The following MALRD1 variants were observed in gnomAD, a reference collection of about 807,000 sequenced individuals.
MALRD1 encodes the protein MAM and LDL-receptor class A domain-containing protein 1.
MALRD1 carries 247 observed loss-of-function variants against 242.1 expected under a neutral mutation model. The observed-to-expected ratio is 1.02, with a 90% CI of 0.92 to 1.13. The LOEUF (loss-of-function observed/expected upper bound fraction) is 1.13, where lower values mean the gene tolerates loss of function less well. Ranked by LOEUF, MALRD1 falls within the 50% of genes most tolerant of loss-of-function variation. The pLI is 0.00. For missense variants in MALRD1, 2,989 were observed against 2,533.1 expected (o/e 1.18, Z -3.86); for synonymous variants, 995 against 866.6 (o/e 1.15, Z -2.60).
In MALRD1 at chr10:19,567,685, C is replaced by T; in HGVS notation, c.5662C>T (p.Pro1888Ser). 1 of 1,550,320 alleles carries T rather than the reference C, an allele frequency of 6.5e-7. No individual in the cohort carries two copies. The highest frequency in any genetic ancestry group is 1.4e-5 in the African/African-American group (1 of 73,090). The change falls in exon 33 of 40, where the codon CCA (proline) becomes TCA (serine). Residue 1888 changes from proline (P) to serine (S), a missense_variant. Physicochemically the swap from Pro to Ser is moderately conservative, Grantham distance 74. Coordinates refer to ENST00000454679, the MANE Select transcript of MALRD1 (RefSeq NM_001142308.3). ...TGCTCTTGATGACATCTCTTTTACC[C>T]CAGAGTGTGTGACTGGAGGTAAGTG... ...FIALDDISFT[P>S]ECVTGGPVPV...
intron 18 of MALRD1, among the ~76,000 whole-genome samples, chr10:19,226,611 A>G (rs1004067802): frequency 2.6e-5 from 4 of 152,088 alleles, no homozygotes; most frequent in African/African-American, 9.7e-5. Flanking sequence ...TACAAAACTG[A>G]TTCTAAAACA....
intron 23 of MALRD1, among the ~76,000 whole-genome samples, chr10:19,331,109 A>G (rs1465801158): frequency 2.6e-5 from 4 of 152,122 alleles, no homozygotes; most frequent in Non-Finnish European, 5.9e-5. Flanking sequence ...CAAATTTTCT[A>G]GACCCATATC....
chr10:19,055,661 C>T (rs1834641558), intron 1 of MALRD1, among the ~76,000 whole-genome samples: 1 of 152,116 alleles, frequency 6.6e-6, no homozygotes, highest in South Asian at 2.1e-4. Context: ...CTGAGGAGAC[C>T]CTCCTTTCTC....
At chr10:19,227,534 T>A (rs78506508) in intron 18 of MALRD1, among the ~76,000 whole-genome samples, 6,859 of 152,060 alleles carry the variant, frequency 0.045, 203 homozygotes, top group Middle Eastern at 0.085. Flanking sequence ...ATAGGAAAAA[T>A]TTTTAATAAT....
intron 24 of MALRD1, among the ~76,000 whole-genome samples, chr10:19,340,551 T>C (rs1245019394): frequency 6.6e-6 from 1 of 152,092 alleles, no homozygotes; most frequent in Admixed American, 6.6e-5. Context: ...GTCATGCGTC[T>C]AAATATTTCA....
intron 38 of MALRD1, among the ~76,000 whole-genome samples, chr10:19,730,029 G>A (rs576849248): frequency 6.6e-6 from 1 of 152,122 alleles, no homozygotes; most frequent in Non-Finnish European, 1.5e-5. Flanking sequence ...GAGCCACCAC[G>A]CCCGGCCTAT....
chr10:19,578,972 A>G (rs535356491), intron 33 of MALRD1, among the ~76,000 whole-genome samples: 1 of 152,246 alleles, frequency 6.6e-6, no homozygotes, highest in South Asian at 2.1e-4. Flanking sequence ...ATCTAATCAC[A>G]TTTAGTTGTT....
intron 28 of MALRD1, among the ~76,000 whole-genome samples, chr10:19,416,309 A>G (rs1287334214): frequency 6.6e-6 from 1 of 152,178 alleles, no homozygotes; most frequent in Non-Finnish European, 1.5e-5. Context: ...CATTTCCACA[A>G]TATGTGATTT....
At chr10:19,172,429 G>A (rs1055580202) in intron 13 of MALRD1, among the ~76,000 whole-genome samples, 6 of 151,616 alleles carry the variant, frequency 4.0e-5, no homozygotes, top group Non-Finnish European at 5.9e-5. Flanking sequence ...AAGAAAGCAA[G>A]CAAAATATAG....
chr10:19,339,238 A>G lies in MALRD1; in HGVS notation c.3901+7656A>G, dbSNP rs1194323604. On this transcript the variant is annotated intron_variant, in intron 24 of 39. Transcript: ENST00000454679. The stretch of plus-strand genomic sequence containing the variant: ...TAGCAGTCCACTATTTAAATGATCA[A>G]TTAAAGTTTCTATTTCTGAGGTTTA... 3.9e-5 allele frequency among the ~76,000 whole-genome samples: 6 copies of G among 152,184 alleles called. No individual in the cohort carries two copies. The South Asian group carries it at 6.2e-4, about 16-fold the overall frequency.
chr10:19,315,023 ATAAATATAATTTATATAAATATG>A (rs1564554191), intron 21 of MALRD1, among the ~76,000 whole-genome samples: 395 of 137,332 alleles, frequency 2.9e-3, no homozygotes, highest in African/African-American at 7.1e-3. Flanking sequence ...ATATAAATAT[ATAAATATAATTTATATAAATATG>A]TAAATATAAT....
chr10:19,133,919 T>A lies in MALRD1; in HGVS notation c.1174T>A (p.Leu392Ile), dbSNP rs2131405913. 2.4e-6 allele frequency: 3 copies of A among 1,230,414 alleles called. No individual in the cohort carries two copies. Among genetic ancestry groups the A allele is most frequent in the East Asian group, 6.3e-5 (2 of 31,628 alleles). The allele number at this position is 1,230,414 out of a possible 1,614,324, so 76.2% of individuals were successfully genotyped here. A position where few individuals can be genotyped will look rare whatever the true frequency, so the allele number is the denominator to read the frequency against. Residue 392 changes from leucine (L) to isoleucine (I), a missense_variant, in exon 9 of 40, where the codon TTA (leucine) becomes ATA (isoleucine). Leu to Ile is a conservative substitution (Grantham distance 5). Transcript: ENST00000454679. The part of the protein sequence containing the change: ...THSQWVKADV[L>I]IPEDLKTFKI... ...CAGCCAATGGGTGAAAGCAGATGTG[T>A]TAATACCAGAAGATCTGAAGACATT...
intron 36 of MALRD1, among the ~76,000 whole-genome samples, chr10:19,680,434 G>A (rs906218323): frequency 6.6e-6 from 1 of 152,090 alleles, no homozygotes; most frequent in Admixed American, 6.6e-5. Context: ...TTTAAAGTGT[G>A]TTTTGCCAGA....
intron 38 of MALRD1, among the ~76,000 whole-genome samples, chr10:19,720,872 T>A (rs1014710475): frequency 6.6e-6 from 1 of 152,072 alleles, no homozygotes; most frequent in Non-Finnish European, 1.5e-5. Context: ...CTTTAAGGTT[T>A]TGAGAAAAGA....
chr10:19,642,897 A>T (rs529388618), intron 36 of MALRD1, among the ~76,000 whole-genome samples: 1 of 152,198 alleles, frequency 6.6e-6, no homozygotes, highest in South Asian at 2.1e-4. Context: ...GCTGATAGGC[A>T]TGAGCAAACA....
intron 38 of MALRD1, among the ~76,000 whole-genome samples, chr10:19,708,527 G>C: frequency 7.8e-5 from 1 of 12,886 alleles, no homozygotes; most frequent in Non-Finnish European, 1.8e-4. Flanking sequence ...TTTTTTTTTT[G>C]TACAGACATG....
At position 19,107,151 on chromosome 10, in the gene MALRD1, T is replaced by C. The variant is rs551236108; in HGVS notation, c.694+3076T>C. ...AAATATATTTTAGGTTTATTTGATC[T>C]AGAGTTCGGTTTAAATATCATGTTT... is the stretch of plus-strand genomic sequence containing the variant. On this transcript the variant is annotated intron_variant, in intron 5 of 39. Transcript: ENST00000454679. Among the ~76,000 whole-genome samples the C allele has an allele frequency of 5.9e-5, 9 of 152,114 alleles. No homozygotes were observed. The South Asian group carries it at 1.9e-3, about 32-fold the overall frequency.
chr10:19,311,704 A>G (rs1312045360), intron 21 of MALRD1, among the ~76,000 whole-genome samples: 2 of 151,476 alleles, frequency 1.3e-5, no homozygotes, highest in African/African-American at 2.4e-5. Flanking sequence ...TAATTTTATG[A>G]AGTGGGAAAA....
At chr10:19,439,309 T>C (rs1343456736) in intron 28 of MALRD1, among the ~76,000 whole-genome samples, 1 of 152,104 alleles carries the variant, frequency 6.6e-6, no homozygotes, top group Non-Finnish European at 1.5e-5. Context: ...GGCAGGAGGA[T>C]AGCTTGAGCC....
Sources: gnomAD v4.1 joint callset for allele counts (sites outside exome capture counted in the v4.1 genomes callset) on GRCh38, gnomAD v4.1.1 for gene constraint, MANE v1.5 for transcripts, NCBI Gene and HGNC (gene_info 2026-07-23, HGNC 2026-07-21) for gene names.